Variants in RGS9 observed in about 807,000 individuals in gnomAD.
The protein encoded by RGS9 is regulator of G-protein signalling 9.
RGS9 carries 78 observed loss-of-function variants against 102.0 expected under a neutral mutation model. The observed-to-expected ratio is 0.76, with a 90% CI of 0.64 to 0.92. The LOEUF (loss-of-function observed/expected upper bound fraction) is 0.92, where lower values mean the gene tolerates loss of function less well. Ranked by LOEUF, RGS9 falls within the 40% of genes least tolerant of loss-of-function variation. The pLI is 0.00. For missense variants in RGS9, 833 were observed against 866.1 expected (o/e 0.96, Z 0.48); for synonymous variants, 353 against 318.6 (o/e 1.11, Z -1.15).
In RGS9 at chr17:65,225,248, T is replaced by C. The variant is rs1255239234; in HGVS notation, c.1654T>C (p.Ser552Pro). 1.9e-6 allele frequency: 3 copies of C among 1,609,350 alleles called. No homozygotes were observed. The highest frequency in any genetic ancestry group is 2.5e-6 in the Non-Finnish European group (3 of 1,179,896). ...CSGSMAPRGP[S>P]VTESSEASLD... is the part of the protein sequence containing the mutation. ...CGGGTCCATGGCCCCCCGTGGGCCCTCTGTCACCGAGAGCAGCGAGGCCTC... is the reference window on the plus strand; with the variant it reads ...CGGGTCCATGGCCCCCCGTGGGCCCCCTGTCACCGAGAGCAGCGAGGCCTC... The change falls in exon 18 of 19, where the codon TCT becomes CCT. Residue 552 changes from serine (S) to proline (P), a missense_variant. Around this residue, in one of 3 missense-constraint regions of RGS9, gnomAD observed 320 missense variants for 276.8 expected, o/e 1.16. Coordinates refer to ENST00000262406, the MANE Select transcript of RGS9 (RefSeq NM_003835.4).
At chr17:65,217,809 G>T (rs58986709) in intron 17 of RGS9, among the ~76,000 whole-genome samples, 1,984 of 152,262 alleles carry the variant, frequency 0.013, 42 homozygotes, top group African/African-American at 0.046. Flanking sequence ...ATTGGTTTTG[G>T]AGAGGAATAG....
chr17:65,157,273 TA>T (rs762127540), intron 2 of RGS9, among the ~76,000 whole-genome samples: 22 of 152,204 alleles, frequency 1.4e-4, no homozygotes, highest in Admixed American at 5.2e-4. Flanking sequence ...TGCACGATGG[TA>T]TCTGTGATGC....
intron 7 of RGS9, among the ~76,000 whole-genome samples, chr17:65,165,016 T>C (rs1041782309): frequency 2.6e-5 from 4 of 152,194 alleles, no homozygotes; most frequent in African/African-American, 9.7e-5. Context: ...ATTCCATTTG[T>C]TGCACCAGTT....
In RGS9 at chr17:65,151,202, G is replaced by A. The variant is rs371262304; in HGVS notation, c.58-2220G>A. ...TCTACTAAAAATACAAAAATTGACT[G>A]AGCATGGTGTCATGTGTCTGTAATC... On this transcript the variant is annotated intron_variant, in intron 1 of 18. Coordinates refer to ENST00000262406, the MANE Select transcript of RGS9 (RefSeq NM_003835.4). Among the ~76,000 whole-genome samples, 9 of 152,100 alleles carry A rather than the reference G, an allele frequency of 5.9e-5. 1 individual carries two copies. Among genetic ancestry groups the A allele is most frequent in the East Asian group, 3.9e-4 (2 of 5,188 alleles).
chr17:65,197,191 A>AC lies in RGS9; in HGVS notation c.930dup (p.Lys311GlnfsTer104). 1 of 1,614,002 alleles carries AC rather than the reference A, an allele frequency of 6.2e-7. No homozygotes were observed. Among genetic ancestry groups the AC allele is most frequent in the Non-Finnish European group, 8.5e-7 (1 of 1,179,936 alleles). Reference sequence around the variant, plus strand: ...TTCAACTTCAGCGAATTGATCCGAGACCCCAAAGGTCGACAGAGCTTCCAG... The same window carrying AC: ...TTCAACTTCAGCGAATTGATCCGAGACCCCCAAAGGTCGACAGAGCTTCCAG... On this transcript the variant is annotated frameshift_variant, in exon 13 of 19. Transcript: ENST00000262406. LOFTEE classifies it high-confidence loss of function.
chr17:65,171,892 T>C (rs1257644228), intron 8 of RGS9, among the ~76,000 whole-genome samples: 1 of 152,234 alleles, frequency 6.6e-6, no homozygotes, highest in Non-Finnish European at 1.5e-5. Flanking sequence ...TGTGGAGGCC[T>C]TCCCTGCATC....
chr17:65,169,700 C>T (rs1911336388), intron 8 of RGS9, among the ~76,000 whole-genome samples: 1 of 152,184 alleles, frequency 6.6e-6, no homozygotes, highest in Non-Finnish European at 1.5e-5. Flanking sequence ...AATTGATCAT[C>T]CGGGTTCTTC....
rs372667118 is a variant in RGS9, at chr17:65,216,385, AT to A, written c.1407+5781del. Among the ~76,000 whole-genome samples, 520 of 152,302 alleles carry A rather than the reference AT, an allele frequency of 3.4e-3. 4 individuals carry two copies. Among genetic ancestry groups the A allele is most frequent in the African/African-American group, 0.012 (493 of 41,564 alleles). The stretch of plus-strand genomic sequence containing the variant: ...TTGGGTGCAGTGGCTCACGCCTGTA[AT>A]CCCAGCACTTTGGGAGGCGGAGGCG... On this transcript the variant is annotated intron_variant, in intron 17 of 18. Transcript: ENST00000262406.
intron 1 of RGS9, among the ~76,000 whole-genome samples, chr17:65,146,666 A>G (rs62065126): frequency 1 from 150,939 of 151,528 alleles, 75,179 homozygotes; most frequent in Middle Eastern, 1. Flanking sequence ...AGGCTGAGGC[A>G]GGCAGATCAC....
In RGS9 at chr17:65,191,644, G is replaced by T. The variant is rs565096668; in HGVS notation, c.746+1408G>T. On this transcript the variant is annotated intron_variant, in intron 11 of 18. Coordinates refer to ENST00000262406, the MANE Select transcript of RGS9 (RefSeq NM_003835.4). ...CCCCTGTAGTCTCAGCTACTTGGGA[G>T]GCTGAGGCACAAGAATTGCTTGAAC... is the stretch of plus-strand genomic sequence containing the variant. 1.4e-4 allele frequency among the ~76,000 whole-genome samples: 21 copies of T among 152,258 alleles called. 1 individual carries two copies. The East Asian group carries it at 4.1e-3, about 29-fold the overall frequency.
intron 17 of RGS9, among the ~76,000 whole-genome samples, chr17:65,219,686 G>A (rs903369100): frequency 6.6e-6 from 1 of 152,148 alleles, no homozygotes. Flanking sequence ...TGAATATTAA[G>A]TAAAAATATA....
intron 8 of RGS9, among the ~76,000 whole-genome samples, chr17:65,169,901 A>C (rs538520258): frequency 1.3e-5 from 2 of 150,440 alleles, no homozygotes; most frequent in South Asian, 4.3e-4. Flanking sequence ...CCTGACCTCT[A>C]CCACCTCTCT....
intron 15 of RGS9, 27 bp downstream of exon 15, chr17:65,204,328 G>A (rs772675031): frequency 1.9e-6 from 3 of 1,612,834 alleles, no homozygotes; most frequent in Admixed American, 1.7e-5. Flanking sequence ...TGTGGATACG[G>A]GGTCCAGATA....
At chr17:65,218,331 G>A (rs946727671) in intron 17 of RGS9, among the ~76,000 whole-genome samples, 4 of 152,192 alleles carry the variant, frequency 2.6e-5, no homozygotes, top group Non-Finnish European at 4.4e-5. Context: ...TAAGAAACCC[G>A]CTTGCTATCA....
chr17:65,150,321 T>C (rs1387841724), intron 1 of RGS9, among the ~76,000 whole-genome samples: 1 of 152,138 alleles, frequency 6.6e-6, no homozygotes, highest in Non-Finnish European at 1.5e-5. Context: ...TGCTAATCTT[T>C]GTAAAATTCA....
rs202000307 is a variant in RGS9 at position 65,156,543 on chromosome 17, GGACGGCAGGCGTCC to G, written c.155-1751_155-1738del. Among the ~76,000 whole-genome samples, 74 of 152,360 alleles carry G rather than the reference GGACGGCAGGCGTCC, an allele frequency of 4.9e-4. 1 individual carries two copies. The East Asian group carries it at 0.013, about 27-fold the overall frequency. On this transcript the variant is annotated intron_variant, in intron 2 of 18. Transcript: ENST00000262406. The stretch of plus-strand genomic sequence containing the variant: ...ATAAAAAAAAATTATTTAACTTCTT[GGACGGCAGGCGTCC>G]CAGGGCTTCCTCGGGACAAAGGTGG...
intron 17 of RGS9, 62 bp downstream of exon 17, chr17:65,210,667 G>C: frequency 6.2e-7 from 1 of 1,605,096 alleles, no homozygotes; most frequent in African/African-American, 1.3e-5. Context: ...AAATAAATCT[G>C]TGATTCCTGG....
chr17:65,211,876 G>A (rs1415290498), intron 17 of RGS9, among the ~76,000 whole-genome samples: 1 of 152,210 alleles, frequency 6.6e-6, no homozygotes, highest in African/African-American at 2.4e-5. Context: ...ATTGCTGTGT[G>A]ACAATCAACC....
chr17:65,154,457 A>G (rs958227253), intron 2 of RGS9, among the ~76,000 whole-genome samples: 2 of 152,186 alleles, frequency 1.3e-5, no homozygotes, highest in African/African-American at 4.8e-5. Context: ...TCATTTTAGA[A>G]ACCTTCACTG....
Sources: allele counts gnomAD v4.1 joint callset (sites outside exome capture counted in the v4.1 genomes callset), GRCh38; gene constraint gnomAD v4.1.1; regional missense constraint gnomAD v4.1.1; transcripts MANE v1.5; gene names NCBI Gene and HGNC (gene_info 2026-07-23, HGNC 2026-07-21).